The following SRR variants were observed in gnomAD, a reference collection of about 807,000 sequenced individuals.
SRR encodes the protein D-serine ammonia-lyase.
In SRR, 19 loss-of-function variants were observed where a neutral mutation model predicts 32.7. The observed-to-expected ratio is 0.58, with a 90% confidence interval of 0.40 to 0.85. The LOEUF (loss-of-function observed/expected upper bound fraction) is 0.85, where lower values mean the gene tolerates loss of function less well. Ranked by LOEUF, SRR falls within the 40% of genes least tolerant of loss-of-function variation. The probability of loss-of-function intolerance (pLI) is 0.00; values close to 1 mark genes in which losing one functional copy is unlikely to be tolerated. For missense variants in SRR, 373 were observed against 404.7 expected (o/e 0.92, Z 0.67); for synonymous variants, 142 against 140.9 (o/e 1.01, Z -0.06).
At chr17:2,308,394 TG>T (rs1484057734) in intron 1 of SRR, among the ~76,000 whole-genome samples, 2 of 152,212 alleles carry the variant, frequency 1.3e-5, no homozygotes, top group African/African-American at 2.4e-5. Flanking sequence ...CACACATTTC[TG>T]GCAAAAAATA....
At chr17:2,309,562 G>T (rs188758900) in intron 1 of SRR, among the ~76,000 whole-genome samples, 12 of 152,020 alleles carry the variant, frequency 7.9e-5, no homozygotes, top group Admixed American at 7.2e-4. Flanking sequence ...CTTCATTCCA[G>T]TTCCCACTAA....
Position 2,325,095 on chromosome 17 carries a change from GTTAT to G in SRR, c.*1225_*1228del, listed in dbSNP as rs762650442. 12 of 590,662 alleles carry G rather than the reference GTTAT, an allele frequency of 2.0e-5. No homozygotes were observed. Among genetic ancestry groups the G allele is most frequent in the Non-Finnish European group, 2.6e-5 (9 of 345,052 alleles). The allele number at this position is 590,662 out of a possible 1,614,324, so 36.6% of individuals were successfully genotyped here. A position where few individuals can be genotyped will look rare whatever the true frequency, so the allele number is the denominator to read the frequency against. On this transcript the variant is annotated 3_prime_UTR_variant, in exon 8 of 8. Transcript: ENST00000344595. ...AGGAAAGGATGTTGAACAAAAGGCA[GTTAT>G]TTGAGGACTGGCTATACACTGTTTC...
chr17:2,303,388 G>A (rs1448848183), upstream of SRR: 13 of 1,240,096 alleles, frequency 1.0e-5, no homozygotes, highest in South Asian at 4.0e-4. Context: ...TTCGCGGCGA[G>A]AAAGAGGGTG....
chr17:2,317,308 G>A (rs1205210048), intron 2 of SRR, among the ~76,000 whole-genome samples: 2 of 150,716 alleles, frequency 1.3e-5, no homozygotes, highest in African/African-American at 4.9e-5. Flanking sequence ...TCAAAAGATC[G>A]AGACCATCCT....
chr17:2,308,795 T>C (rs1010668599), intron 1 of SRR, among the ~76,000 whole-genome samples: 1 of 151,748 alleles, frequency 6.6e-6, no homozygotes, highest in Non-Finnish European at 1.5e-5. Context: ...CACTCCAGCC[T>C]GGTGACAGAG....
At chr17:2,322,327 T>TC (rs2075536643) in intron 6 of SRR, among the ~76,000 whole-genome samples, 1 of 152,124 alleles carries the variant, frequency 6.6e-6, no homozygotes, top group African/African-American at 2.4e-5. Context: ...CAAGCTACTA[T>TC]CCATACCAAG....
chr17:2,316,827 C>G (rs949071707), intron 2 of SRR, among the ~76,000 whole-genome samples: 1 of 152,050 alleles, frequency 6.6e-6, no homozygotes, highest in African/African-American at 2.4e-5. Flanking sequence ...ATTCTCCTGC[C>G]TCAGCCACCC....
chr17:2,310,207 T>C (rs983190311), intron 1 of SRR, among the ~76,000 whole-genome samples: 1 of 152,100 alleles, frequency 6.6e-6, no homozygotes, highest in Non-Finnish European at 1.5e-5. Flanking sequence ...CCAAAATATA[T>C]CTTATTTTTG....
intron 1 of SRR, among the ~76,000 whole-genome samples, chr17:2,306,159 C>CA (rs1286879405): frequency 6.6e-6 from 1 of 150,796 alleles, no homozygotes; most frequent in Non-Finnish European, 1.5e-5. Context: ...TACTAAAATA[C>CA]AAAAAAATTA....
intron 2 of SRR, 129 bp from the exon 3 acceptor site, chr17:2,317,741 A>G (rs2151434203): frequency 3.1e-6 from 3 of 956,942 alleles, no homozygotes; most frequent in Non-Finnish European, 4.6e-6. Context: ...GAGATATTTA[A>G]GAGGTAAATC....
chr17:2,315,361 C>A, intron 1 of SRR, 196 bp from the exon 2 acceptor site: 1 of 463,796 alleles, frequency 2.2e-6, no homozygotes, highest in Non-Finnish European at 3.7e-6. Flanking sequence ...TTACTTCCCT[C>A]AAAGCTTCAC....
chr17:2,303,765 G>A (rs1348205641), upstream of SRR: 6 of 1,461,916 alleles, frequency 4.1e-6, no homozygotes, highest in Non-Finnish European at 5.4e-6. Flanking sequence ...CCACCGCCGC[G>A]CGCAGCCAGG....
In SRR at chr17:2,324,768, G is replaced by A. The variant is rs2075564899; in HGVS notation, c.*895G>A. Reference sequence around the variant, plus strand: ...GATGACCACTCAGAACAACTCTCTTGATGACCATTCTGTCTGGATCTACTG... The same window carrying A: ...GATGACCACTCAGAACAACTCTCTTAATGACCATTCTGTCTGGATCTACTG... On this transcript the variant is annotated 3_prime_UTR_variant, in exon 8 of 8. Coordinates refer to ENST00000344595, the MANE Select transcript of SRR (RefSeq NM_021947.3). The A allele has an allele frequency of 6.2e-7, 1 of 1,614,154 alleles. No individual in the cohort carries two copies.
At chr17:2,306,802 A>C in intron 1 of SRR, 2 of 729,878 alleles carry the variant, frequency 2.7e-6, no homozygotes, top group Non-Finnish European at 5.0e-6. Flanking sequence ...ACAGCTGAAG[A>C]AGCTCTTCAT....
chr17:2,307,807 C>G (rs1361672622), intron 1 of SRR: 2 of 707,836 alleles, frequency 2.8e-6, no homozygotes, highest in Non-Finnish European at 5.1e-6. Flanking sequence ...AAGCCAAGCA[C>G]AGTGGTGGCA....
chr17:2,325,174 CTT>C lies in SRR; in HGVS notation c.*1302_*1303del, dbSNP rs770427699. 4 of 714,076 alleles carry C rather than the reference CTT, an allele frequency of 5.6e-6. No homozygotes were observed. The highest frequency in any genetic ancestry group is 9.2e-6 in the Non-Finnish European group (4 of 435,204). 44.2% of individuals were successfully genotyped at this position (714,076 alleles called of 1,614,324 possible). A position where few individuals can be genotyped will look rare whatever the true frequency, so the allele number is the denominator to read the frequency against. On this transcript the variant is annotated 3_prime_UTR_variant, in exon 8 of 8. Coordinates refer to ENST00000344595, the MANE Select transcript of SRR (RefSeq NM_021947.3). ...TTCTATTAACAATGTTAAATGAAGACTTACTGTATTTTGAAAACCATCATTAC... is the reference window on the plus strand; with the variant it reads ...TTCTATTAACAATGTTAAATGAAGACACTGTATTTTGAAAACCATCATTAC...
At chr17:2,321,804 G>C (rs1287898291) in intron 6 of SRR, among the ~76,000 whole-genome samples, 188 bp downstream of exon 6, 1 of 152,170 alleles carries the variant, frequency 6.6e-6, no homozygotes, top group Non-Finnish European at 1.5e-5. Context: ...TTTTGAGACA[G>C]ATTCTCGCTG....
chr17:2,315,804 C>T (rs184688159), intron 2 of SRR, 76 bp downstream of exon 2: 29 of 1,377,506 alleles, frequency 2.1e-5, no homozygotes, highest in East Asian at 1.2e-4. Flanking sequence ...TCCTGACCAC[C>T]CAATGAGATA....
At chr17:2,314,224 C>T (rs148868451) in intron 1 of SRR, among the ~76,000 whole-genome samples, 8,546 of 152,094 alleles carry the variant, frequency 0.056, 532 homozygotes, top group African/African-American at 0.16. Flanking sequence ...CTGAGGCAGG[C>T]GGATCACCTG....
Sources: allele counts gnomAD v4.1 joint callset (sites outside exome capture counted in the v4.1 genomes callset), GRCh38; gene constraint gnomAD v4.1.1; transcripts MANE v1.5; gene names NCBI Gene and HGNC (gene_info 2026-07-23, HGNC 2026-07-21).